Variants in GNA12 observed in about 807,000 individuals in gnomAD.
GNA12 encodes G protein subunit alpha 12.
GNA12 carries 9 observed loss-of-function variants against 26.0 expected under a neutral mutation model. The observed-to-expected ratio is 0.35, with a 90% CI of 0.21 to 0.60. The LOEUF (loss-of-function observed/expected upper bound fraction) is 0.60. Ranked by LOEUF, GNA12 falls within the 20% of genes least tolerant of loss-of-function variation. The pLI, the probability that GNA12 is intolerant of heterozygous loss-of-function variation, is 0.78. For missense variants in GNA12, 405 were observed against 525.8 expected, an observed-to-expected ratio of 0.77 and a Z score of 2.25; for synonymous variants, 264 against 219.6, an observed-to-expected ratio of 1.20 and a Z score of -1.79.
chr7:2,771,188 G>T lies in GNA12; in HGVS notation c.525+23740C>A, dbSNP rs138106481. ...CACCTATAATCCCAGCTACTCGGGAGGCCGGGGCAGGAGAATCGCTTGAAC... is the reference window on the plus strand; with the variant it reads ...CACCTATAATCCCAGCTACTCGGGATGCCGGGGCAGGAGAATCGCTTGAAC... On this transcript the variant is annotated intron_variant, in intron 2 of 3. Coordinates refer to ENST00000275364, the MANE Select transcript of GNA12 (RefSeq NM_007353.3). Among the ~76,000 whole-genome samples, 777 of 152,204 alleles carry T rather than the reference G, an allele frequency of 5.1e-3. 7 individuals carry two copies. The highest frequency in any genetic ancestry group is 0.018 in the African/African-American group (732 of 41,510).
intron 1 of GNA12, among the ~76,000 whole-genome samples, chr7:2,841,207 A>C (rs933507562): frequency 1.3e-5 from 2 of 152,162 alleles, no homozygotes; most frequent in Non-Finnish European, 2.9e-5. Context: ...GCTAAAGTGC[A>C]GTGGTGCGAT....
At chr7:2,770,647 C>CAAT (rs567321328) in intron 2 of GNA12, among the ~76,000 whole-genome samples, 6 of 93,628 alleles carry the variant, frequency 6.4e-5, no homozygotes, top group African/African-American at 2.1e-4. Context: ...ACAACAATAA[C>CAAT]AACAACAAAA....
chr7:2,840,682 G>T (rs948225943), intron 1 of GNA12, among the ~76,000 whole-genome samples: 13 of 152,028 alleles, frequency 8.6e-5, no homozygotes, highest in African/African-American at 3.1e-4. Flanking sequence ...AACATAGTGA[G>T]ACCCCATCTC....
chr7:2,798,266 G>T (rs1393626582), intron 1 of GNA12, among the ~76,000 whole-genome samples: 1 of 152,108 alleles, frequency 6.6e-6, no homozygotes, highest in Non-Finnish European at 1.5e-5. Context: ...ATAAAAAGAT[G>T]ATCTATGTTG....
At chr7:2,832,444 A>C in intron 1 of GNA12, among the ~76,000 whole-genome samples, 1 of 152,138 alleles carries the variant, frequency 6.6e-6, no homozygotes, top group Non-Finnish European at 1.5e-5. Context: ...TGACTGCCCC[A>C]AACAGGCACT....
chr7:2,755,489 A>T (rs919782037), intron 2 of GNA12, among the ~76,000 whole-genome samples: 1 of 152,202 alleles, frequency 6.6e-6, no homozygotes, highest in South Asian at 2.1e-4. Context: ...ACAGTATTTC[A>T]TTTTTAAAAT....
At chr7:2,814,337 A>AGGTG in intron 1 of GNA12, 1 of 1,596,342 alleles carries the variant, frequency 6.3e-7, no homozygotes, top group Non-Finnish European at 8.6e-7. Context: ...TGCAATGAGT[A>AGGTG]GGTGCTCAAA....
intron 2 of GNA12, among the ~76,000 whole-genome samples, chr7:2,780,324 A>G (rs929956283): frequency 3.9e-5 from 6 of 151,970 alleles, no homozygotes; most frequent in Non-Finnish European, 7.4e-5. Context: ...AATACAATAA[A>G]CATCCTTGCA....
chr7:2,758,456 G>A (rs1482417306), intron 2 of GNA12, among the ~76,000 whole-genome samples: 2 of 152,170 alleles, frequency 1.3e-5, no homozygotes, highest in East Asian at 3.8e-4. Context: ...GTTCTAAGAC[G>A]AGCCTCAATG....
At chr7:2,815,209 C>T in intron 1 of GNA12, 1 of 379,260 alleles carries the variant, frequency 2.6e-6, no homozygotes, top group Non-Finnish European at 4.9e-6. Flanking sequence ...TGAGTGTGCT[C>T]TCAAGGAGGA....
At position 2,801,558 on chromosome 7, in the gene GNA12, C is replaced by T. The variant is rs140998308; in HGVS notation, c.310-6415G>A. ...TGGAGCTGGTCCAAATGAACTGCACCCAACCACAAGAAAAGACTCCTCCTT... is the reference window on the plus strand; with the variant it reads ...TGGAGCTGGTCCAAATGAACTGCACTCAACCACAAGAAAAGACTCCTCCTT... On this transcript the variant is annotated intron_variant, in intron 1 of 3. Transcript: ENST00000275364. Among the ~76,000 whole-genome samples the T allele has an allele frequency of 2.9e-3, 436 of 152,268 alleles. 2 individuals are homozygous for T. Among genetic ancestry groups the T allele is most frequent in the Middle Eastern group, 3.4e-3 (1 of 294 alleles).
At chr7:2,747,535 C>T (rs1179268988) in intron 2 of GNA12, among the ~76,000 whole-genome samples, 1 of 151,908 alleles carries the variant, frequency 6.6e-6, no homozygotes, top group South Asian at 2.1e-4. Context: ...ATAATAAGAG[C>T]TATCTATGAC....
intron 2 of GNA12, among the ~76,000 whole-genome samples, chr7:2,739,820 C>G (rs545737351): frequency 5.3e-5 from 8 of 152,074 alleles, no homozygotes; most frequent in Non-Finnish European, 1.2e-4. Context: ...TACAGGCGTG[C>G]GCCACCAAAC....
At chr7:2,757,614 G>A (rs889831109) in intron 2 of GNA12, among the ~76,000 whole-genome samples, 2 of 152,212 alleles carry the variant, frequency 1.3e-5, no homozygotes, top group Non-Finnish European at 2.9e-5. Flanking sequence ...TGGATGCCCA[G>A]GCTGCTGACC....
chr7:2,815,563 T>C (rs933646493), intron 1 of GNA12, among the ~76,000 whole-genome samples: 1 of 152,204 alleles, frequency 6.6e-6, no homozygotes, highest in African/African-American at 2.4e-5. Flanking sequence ...ACCACCCTGA[T>C]AGCACAGAGG....
chr7:2,785,423 A>C (rs1489127099), intron 2 of GNA12, among the ~76,000 whole-genome samples: 1 of 152,226 alleles, frequency 6.6e-6, no homozygotes, highest in East Asian at 1.9e-4. Flanking sequence ...TGTAACAGTT[A>C]AGAAAGCTCT....
At chr7:2,780,051 CATATATATAT>C (rs3996399) in intron 2 of GNA12, among the ~76,000 whole-genome samples, 721 of 62,184 alleles carry the variant, frequency 0.012, 17 homozygotes, top group East Asian at 0.067. Context: ...TTTCTGTGTA[CATATATATAT>C]ATATATATAT....
rs546804887 is a variant in GNA12, at chr7:2,783,485, G to A, written c.525+11443C>T. ...CCTCTGAGGTCCCCATTCATTACAC[G>A]GCAGTCTCCTATCAGATCCCCCAAC... On this transcript the variant is annotated intron_variant, in intron 2 of 3. Transcript: ENST00000275364. Among the ~76,000 whole-genome samples the A allele has an allele frequency of 7.3e-4, 111 of 151,664 alleles. No homozygotes were observed. In the South Asian group the frequency reaches 9.0e-3, roughly 12 times the overall value.
intron 2 of GNA12, among the ~76,000 whole-genome samples, chr7:2,759,714 G>A (rs1171563177): frequency 1.3e-5 from 2 of 152,312 alleles, no homozygotes; most frequent in East Asian, 3.9e-4. Context: ...GGATAGGAGA[G>A]AGATGTATAC....
Sources: gnomAD v4.1 joint callset for allele counts (sites outside exome capture counted in the v4.1 genomes callset) on GRCh38, gnomAD v4.1.1 for gene constraint, MANE v1.5 for transcripts, NCBI Gene and HGNC (gene_info 2026-07-23, HGNC 2026-07-21) for gene names.